Variants in ACSS2 observed in about 807,000 individuals in gnomAD.
ACSS2 encodes acyl-CoA synthetase short chain family member 2.
A neutral mutation model predicts 90.6 loss-of-function variants in ACSS2; 58 were observed. The ratio of observed to expected loss-of-function variants is 0.64; its 90% CI spans 0.52 to 0.80. The LOEUF is 0.80. ACSS2 is among the 30% of genes least tolerant of loss of function. ACSS2 has a pLI of 0.00. For missense variants in ACSS2, 759 were observed against 912.0 expected (o/e 0.83, Z 2.16); for synonymous variants, 300 against 330.9 (o/e 0.91, Z 1.01).
In ACSS2 at chr20:34,914,189, C is replaced by T; in HGVS notation, c.719+18C>T. On this transcript the variant is annotated intron_variant, in intron 6 of 17. Coordinates refer to ENST00000360596, the MANE Select transcript of ACSS2 (RefSeq NM_018677.4). Reference sequence around the variant, plus strand: ...CAGGAGAAGTAAGTGTGTTTGGCTACTGTCTGAGTTGACTGAGCCTTTCCC... The same window carrying T: ...CAGGAGAAGTAAGTGTGTTTGGCTATTGTCTGAGTTGACTGAGCCTTTCCC... 5.6e-6 allele frequency: 9 copies of T among 1,613,932 alleles called. No individual in the cohort carries two copies. The highest frequency in any genetic ancestry group is 6.8e-6 in the Non-Finnish European group (8 of 1,179,830).
At position 34,921,555 on chromosome 20, in the gene ACSS2, G is replaced by T; in HGVS notation, c.1422G>T (p.Met474Ile). The change falls in exon 12 of 18, where the codon ATG becomes ATT. Residue 474 changes from methionine (M) to isoleucine (I), a missense_variant. By Grantham distance (10) the Met-to-Ile change is conservative (BLOSUM62 1). Transcript: ENST00000360596. ...TCTGACTTCCCCAGGGTGGCCACAT[G>T]TTGACTCCCCTTCCTGGTGCCACAC... ...TFWQTETGGH[M>I]LTPLPGATPM... is the part of the protein sequence containing the mutation. The T allele has an allele frequency of 3.1e-6, 5 of 1,614,216 alleles. No individual in the cohort carries two copies. Among genetic ancestry groups the T allele is most frequent in the Non-Finnish European group, 4.2e-6 (5 of 1,180,046 alleles).
intron 4 of ACSS2, 97 bp downstream of exon 4, chr20:34,913,593 A>C (rs1368804606): frequency 7.6e-7 from 1 of 1,310,284 alleles, no homozygotes; most frequent in South Asian, 1.3e-5. Context: ...ATAACAAACT[A>C]AGGAGCTTAG....
intron 2 of ACSS2, among the ~76,000 whole-genome samples, chr20:34,899,855 A>T (rs995770798): frequency 3.9e-5 from 6 of 152,170 alleles, no homozygotes; most frequent in Admixed American, 2.0e-4. Flanking sequence ...GATGTCATGA[A>T]TAACGCTACT....
chr20:34,925,736 G>A lies in ACSS2; in HGVS notation c.1696G>A (p.Gly566Ser), dbSNP rs1244663199. ...CCAGGATGGCTATTACTGGATCACT[G>A]GCAGGATTGATGACATGCTCAATGT... ...RDQDGYYWIT[G>S]RIDDMLNVSG... Residue 566 changes from glycine (G) to serine (S), a missense_variant, in exon 15 of 18, where the codon GGC (glycine) becomes AGC (serine). By Grantham distance (56) the Gly-to-Ser change is moderately conservative. Coordinates refer to ENST00000360596, the MANE Select transcript of ACSS2 (RefSeq NM_018677.4). 2 of 1,613,470 alleles carry A rather than the reference G, an allele frequency of 1.2e-6. No homozygotes were observed. Among genetic ancestry groups the A allele is most frequent in the East Asian group, 4.5e-5 (2 of 44,876 alleles).
At chr20:34,911,516 G>A (rs1030294937) in intron 2 of ACSS2, among the ~76,000 whole-genome samples, 9 of 151,808 alleles carry the variant, frequency 5.9e-5, no homozygotes, top group South Asian at 2.1e-4. Context: ...TTAGAGATGC[G>A]GTCTTGCTAT....
intron 2 of ACSS2, among the ~76,000 whole-genome samples, chr20:34,886,559 G>A (rs1212000751): frequency 2.0e-5 from 3 of 152,178 alleles, no homozygotes; most frequent in Non-Finnish European, 4.4e-5. Flanking sequence ...GGGAGGCAGA[G>A]GTTGCAGTGA....
At chr20:34,888,293 A>C (rs2080248806) in intron 2 of ACSS2, among the ~76,000 whole-genome samples, 1 of 152,108 alleles carries the variant, frequency 6.6e-6, no homozygotes, top group Non-Finnish European at 1.5e-5. Context: ...TTTGAGCCTC[A>C]GTTTTCTCAA....
Position 34,923,328 on chromosome 20 carries a change from C to G in ACSS2, c.1554C>G (p.Phe518Leu), listed in dbSNP as rs2081242642. 2 of 1,613,548 alleles carry G rather than the reference C, an allele frequency of 1.2e-6. No individual in the cohort carries two copies. Among genetic ancestry groups the G allele is most frequent in the Non-Finnish European group, 1.7e-6 (2 of 1,179,608 alleles). The change falls in exon 14 of 18, where the codon TTC becomes TTG. Residue 518 changes from phenylalanine to leucine, a missense_variant. Transcript: ENST00000360596. Reference protein sequence around the residue: ...LEGEAEGYLVFKQPWPGIMRT... With the variant: ...LEGEAEGYLVLKQPWPGIMRT... ...GTCCCTTCCTCACTCCCCAGGTGTT[C>G]AAGCAGCCCTGGCCAGGGATCATGC...
chr20:34,919,245 G>A (rs1347747298), intron 7 of ACSS2, among the ~76,000 whole-genome samples, 190 bp from the exon 8 acceptor site: 1 of 152,064 alleles, frequency 6.6e-6, no homozygotes, highest in Non-Finnish European at 1.5e-5. Flanking sequence ...GGATGGCAGG[G>A]TGGTTGGAGT....
At position 34,913,535 on chromosome 20, in the gene ACSS2, G is replaced by T. The variant is rs750462717; in HGVS notation, c.570+39G>T. 1.9e-6 allele frequency: 3 copies of T among 1,570,246 alleles called. No individual in the cohort carries two copies. In the Admixed American group the frequency reaches 5.1e-5, roughly 27 times the overall value. ...CTGGTGAAAAGGGGCAGGCGGGGGG[G>T]TGGGGCTCTGGAGAAGTAGGTTGGG... On this transcript the variant is annotated intron_variant, in intron 4 of 17. Transcript: ENST00000360596.
intron 7 of ACSS2, among the ~76,000 whole-genome samples, chr20:34,917,853 A>G (rs2081108606): frequency 6.6e-6 from 1 of 152,030 alleles, no homozygotes; most frequent in South Asian, 2.1e-4. Flanking sequence ...CCTGGTTTCA[A>G]GTGATTCTCC....
intron 2 of ACSS2, among the ~76,000 whole-genome samples, chr20:34,906,085 C>T (rs2080794172): frequency 6.6e-6 from 1 of 152,184 alleles, no homozygotes. Context: ...CCTGTAATCC[C>T]AGCACTTTGG....
chr20:34,904,226 G>A (rs957519340), intron 2 of ACSS2, among the ~76,000 whole-genome samples: 2 of 151,712 alleles, frequency 1.3e-5, no homozygotes, highest in Middle Eastern at 3.4e-3. Flanking sequence ...GGAGAGGAGC[G>A]CAGGGAGTAT....
chr20:34,878,906 TTTTTTC>T (rs948481896), intron 1 of ACSS2, among the ~76,000 whole-genome samples: 2 of 134,034 alleles, frequency 1.5e-5, no homozygotes, highest in Non-Finnish European at 3.5e-5. Context: ...TTTTTTTTTT[TTTTTTC>T]TTTTTTTTTT....
At chr20:34,889,158 T>C (rs2080271393) in intron 2 of ACSS2, among the ~76,000 whole-genome samples, 1 of 152,068 alleles carries the variant, frequency 6.6e-6, no homozygotes, top group Admixed American at 6.5e-5. Flanking sequence ...AGTCTCGCTC[T>C]GTTGCCCAGG....
chr20:34,906,812 G>A (rs145444127), intron 2 of ACSS2, among the ~76,000 whole-genome samples: 3,688 of 151,760 alleles, frequency 0.024, 144 homozygotes, highest in African/African-American at 0.082. Context: ...TTGAAACCCC[G>A]TCTCTACTAA....
intron 1 of ACSS2, among the ~76,000 whole-genome samples, chr20:34,877,275 T>A: frequency 6.6e-6 from 1 of 152,182 alleles, no homozygotes; most frequent in East Asian, 1.9e-4. Context: ...CACTGCCTCC[T>A]GAGACCCTTA....
intron 2 of ACSS2, among the ~76,000 whole-genome samples, chr20:34,884,920 C>T (rs1247681475): frequency 6.6e-6 from 1 of 151,824 alleles, no homozygotes; most frequent in African/African-American, 2.4e-5. Context: ...AAGAAATAGG[C>T]TGGGCATGGT....
upstream of ACSS2, chr20:34,876,448 T>A (rs551573273): frequency 6.7e-5 from 33 of 490,580 alleles, no homozygotes; most frequent in South Asian, 2.8e-4. Flanking sequence ...AGTATTTCTG[T>A]CCTTGCCAAC....
Sources: allele counts gnomAD v4.1 joint callset (sites outside exome capture counted in the v4.1 genomes callset), GRCh38; gene constraint gnomAD v4.1.1; transcripts MANE v1.5; gene names NCBI Gene and HGNC (gene_info 2026-07-23, HGNC 2026-07-21).